Variants in ATP10A observed in about 807,000 individuals in gnomAD.
ATP10A encodes ATPase phospholipid transporting 10A (putative), also known as phospholipid-transporting ATPase VA.
In ATP10A, 111 loss-of-function variants were observed where a neutral mutation model predicts 147.8. That is an observed-to-expected ratio of 0.75 (90% CI 0.64 to 0.88). The LOEUF is 0.88. Ranked by LOEUF, ATP10A falls within the 40% of genes least tolerant of loss-of-function variation. ATP10A has a pLI of 0.00. For synonymous variants in ATP10A, 875 were observed against 841.6 expected (o/e 1.04, Z -0.69); for missense variants, 1,927 against 1,959.0 (o/e 0.98, Z 0.31).
At chr15:25,712,912 G>A (rs1157689306) in intron 10 of ATP10A, among the ~76,000 whole-genome samples, 2 of 152,202 alleles carry the variant, frequency 1.3e-5, no homozygotes, top group Admixed American at 1.3e-4. Flanking sequence ...CCTCTCCTGA[G>A]GCACTGAGAT....
chr15:25,786,703 G>T (rs1890180968), intron 1 of ATP10A, among the ~76,000 whole-genome samples: 2 of 131,536 alleles, frequency 1.5e-5, no homozygotes. Context: ...TCGGCTCACT[G>T]CAAGCTCCGC....
intron 2 of ATP10A, among the ~76,000 whole-genome samples, chr15:25,757,572 A>G (rs1254045645): frequency 6.6e-6 from 1 of 152,208 alleles, no homozygotes; most frequent in Non-Finnish European, 1.5e-5. Context: ...AATAGAAAAA[A>G]GGCAGAAAGG....
intron 4 of ATP10A, among the ~76,000 whole-genome samples, chr15:25,726,921 G>A (rs1431910265): frequency 4.6e-5 from 7 of 150,724 alleles, no homozygotes; most frequent in Non-Finnish European, 8.9e-5. Flanking sequence ...GGAGCCGGGC[G>A]TGGCGGGCGC....
At chr15:25,801,592 G>A (rs882406) in intron 1 of ATP10A, among the ~76,000 whole-genome samples, 61,595 of 152,080 alleles carry the variant, frequency 0.41, 12,876 homozygotes, top group Middle Eastern at 0.54. Flanking sequence ...TGGCCACTAC[G>A]CTGAGACTTC....
At chr15:25,737,713 C>G (rs1308582491) in intron 2 of ATP10A, among the ~76,000 whole-genome samples, 1 of 152,094 alleles carries the variant, frequency 6.6e-6, no homozygotes, top group Non-Finnish European at 1.5e-5. Flanking sequence ...AAGTCCTAAC[C>G]CCACGTAGCT....
Position 25,718,227 on chromosome 15 carries a change from C to T in ATP10A, c.1536G>A (p.Lys512=). 2.5e-6 allele frequency: 4 copies of T among 1,613,122 alleles called. No individual in the cohort carries two copies. The highest frequency in any genetic ancestry group is 3.4e-6 in the Non-Finnish European group (4 of 1,180,008). The change falls in exon 8 of 21, where the codon AAG becomes AAA. Residue 512 remains lysine (K), a synonymous_variant. Coordinates refer to ENST00000555815, the MANE Select transcript of ATP10A (RefSeq NM_024490.4). ...HRRTGSRAEA[K]RASMLSKHTA... The stretch of plus-strand genomic sequence containing the variant: ...TGTGCTTGGACAGCATGCTGGCCCT[C>T]TTGGCCTCGGCCCGGCTGCCCGTGC...
chr15:25,687,564 C>G, intron 16 of ATP10A, 139 bp downstream of exon 16: 1 of 638,658 alleles, frequency 1.6e-6, no homozygotes, highest in Non-Finnish European at 2.2e-6. Context: ...GGACAGGGGA[C>G]AATTACACAG....
chr15:25,791,100 T>TC (rs202176323), intron 1 of ATP10A, among the ~76,000 whole-genome samples: 55 of 149,390 alleles, frequency 3.7e-4, no homozygotes, highest in African/African-American at 6.0e-4. Context: ...TTTTTTTTTT[T>TC]TCAAGACCCT....
chr15:25,695,140 A>T lies in ATP10A; in HGVS notation c.2767T>A (p.Cys923Ser). The change falls in exon 14 of 21, where the codon TGT (cysteine) becomes AGT (serine). Residue 923 changes from cysteine (C) to serine (S), a missense_variant. Cys to Ser is a moderately radical substitution (Grantham distance 112). Transcript: ENST00000555815. ...ITLNATSQEA[C>S]AALLDQCLCY... ...AGGCACTGGTCTAGCAGGGCTGCACACGCCTCCTGAAAGGGACATGAGAGG... is the reference window on the plus strand; with the variant it reads ...AGGCACTGGTCTAGCAGGGCTGCACTCGCCTCCTGAAAGGGACATGAGAGG... The T allele has an allele frequency of 6.2e-7, 1 of 1,609,094 alleles. No homozygotes were observed. Among genetic ancestry groups the T allele is most frequent in the East Asian group, 2.2e-5 (1 of 44,738 alleles).
chr15:25,826,692 G>A (rs1029931939), intron 1 of ATP10A, among the ~76,000 whole-genome samples: 3 of 152,164 alleles, frequency 2.0e-5, no homozygotes, highest in Admixed American at 6.5e-5. Flanking sequence ...CTACATGGGA[G>A]GCTGAAGCAC....
At chr15:25,727,082 GAAA>G (rs1238590656) in intron 4 of ATP10A, 75 bp downstream of exon 4, 1 of 1,030,762 alleles carries the variant, frequency 9.7e-7, no homozygotes, top group African/African-American at 1.6e-5. Context: ...AAAGAAAAAA[GAAA>G]AGAAAACAGT....
chr15:25,785,360 G>A (rs956107975), intron 1 of ATP10A, among the ~76,000 whole-genome samples: 5 of 152,182 alleles, frequency 3.3e-5, no homozygotes, highest in East Asian at 1.9e-4. Flanking sequence ...AGAACATGGC[G>A]AGGGGAGGGG....
At chr15:25,678,486 T>C (rs1251334095), downstream of ATP10A, 2 of 152,158 alleles carry the variant, frequency 1.3e-5, no homozygotes, top group African/African-American at 4.8e-5. Context: ...AACTAATGGC[T>C]CATTACAAAA....
intron 1 of ATP10A, among the ~76,000 whole-genome samples, chr15:25,799,541 A>T (rs537932041): frequency 1.6e-4 from 24 of 152,326 alleles, no homozygotes; most frequent in African/African-American, 5.1e-4. Flanking sequence ...AACAAAGTTA[A>T]ACTAAATAAC....
Position 25,721,886 on chromosome 15 carries a change from G to C in ATP10A, c.1134C>G (p.Tyr378Ter). 1 of 1,608,702 alleles carries C rather than the reference G, an allele frequency of 6.2e-7. No homozygotes were observed. Among genetic ancestry groups the C allele is most frequent in the Non-Finnish European group, 8.5e-7 (1 of 1,176,792 alleles). ...ATGCTTTAACAATTTCAATGGAAAC[G>C]TATAAGGAAATTGGGATCAAAACCT... Reference protein sequence around the residue: ...VLQVLIPISLYVSIEIVKACQ... With the variant: ...VLQVLIPISL Residue 378 changes from tyrosine to a stop codon, truncating the protein, a stop_gained, in exon 7 of 21, where the codon TAC becomes TAG. Coordinates refer to ENST00000555815, the MANE Select transcript of ATP10A (RefSeq NM_024490.4). LOFTEE classifies it high-confidence loss of function.
intron 2 of ATP10A, among the ~76,000 whole-genome samples, chr15:25,742,800 T>C (rs771410789): frequency 2.6e-5 from 4 of 152,172 alleles, no homozygotes; most frequent in Admixed American, 6.5e-5. Flanking sequence ...CTCGTTAAAA[T>C]TGCCCTCTTG....
intron 2 of ATP10A, 57 bp downstream of exon 2, chr15:25,780,962 A>C: frequency 6.4e-7 from 1 of 1,559,924 alleles, no homozygotes; most frequent in Non-Finnish European, 8.8e-7. Flanking sequence ...GAAGGCTGTC[A>C]TGGGGACACT....
chr15:25,710,277 T>A (rs1314636001), intron 10 of ATP10A: 1 of 152,318 alleles, frequency 6.6e-6, no homozygotes, highest in East Asian at 1.9e-4. Flanking sequence ...GGACCAGTGC[T>A]GCCCGGCGCC....
intron 2 of ATP10A, among the ~76,000 whole-genome samples, chr15:25,763,891 C>A (rs975904569): frequency 3.3e-5 from 5 of 152,098 alleles, no homozygotes; most frequent in African/African-American, 7.2e-5. Flanking sequence ...TAAAAGATAA[C>A]CTCTCTGTGT....
Sources: gnomAD v4.1 joint callset for allele counts (sites outside exome capture counted in the v4.1 genomes callset) on GRCh38, gnomAD v4.1.1 for gene constraint, MANE v1.5 for transcripts, NCBI Gene and HGNC (gene_info 2026-07-23, HGNC 2026-07-21) for gene names.